Variants in SLC44A2 observed in about 807,000 individuals in gnomAD.
The protein encoded by SLC44A2 is solute carrier family 44 member 2 (CTL2 blood group).
SLC44A2 carries 57 observed loss-of-function variants against 90.8 expected under a neutral mutation model. The observed-to-expected ratio is 0.63, with a 90% CI of 0.51 to 0.78. The LOEUF (loss-of-function observed/expected upper bound fraction) is 0.78, where lower values mean the gene tolerates loss of function less well. Ranked by LOEUF, SLC44A2 falls within the 30% of genes least tolerant of loss-of-function variation. The pLI, the probability that SLC44A2 is intolerant of heterozygous loss-of-function variation, is 0.00. For missense variants in SLC44A2, 794 were observed against 919.7 expected, an observed-to-expected ratio of 0.86 and a Z score of 1.77; for synonymous variants, 355 against 360.7, an observed-to-expected ratio of 0.98 and a Z score of 0.18.
chr19:10,608,599 G>A (rs1170894363), intron 1 of SLC44A2, among the ~76,000 whole-genome samples: 1 of 151,490 alleles, frequency 6.6e-6, no homozygotes. Flanking sequence ...CATGTGCAAG[G>A]AGGGCCTATT....
intron 1 of SLC44A2, among the ~76,000 whole-genome samples, chr19:10,610,223 G>A (rs899034611): frequency 5.9e-5 from 9 of 151,288 alleles, no homozygotes; most frequent in Admixed American, 1.3e-4. Context: ...ATATATATAT[G>A]ACAGATGATA....
At chr19:10,620,153 G>A (rs924818643) in intron 1 of SLC44A2, among the ~76,000 whole-genome samples, 2 of 151,846 alleles carry the variant, frequency 1.3e-5, no homozygotes, top group Non-Finnish European at 2.9e-5. Context: ...TCCAGACTGG[G>A]CAACAGAGTG....
intron 9 of SLC44A2, 39 bp downstream of exon 9, chr19:10,631,990 C>T: frequency 3.1e-6 from 5 of 1,613,220 alleles, no homozygotes; most frequent in Non-Finnish European, 4.2e-6. Context: ...CTGGCTGCCC[C>T]CTCTAAGCCT....
upstream of SLC44A2, chr19:10,625,406 C>G (rs2066921688): frequency 3.5e-6 from 4 of 1,151,292 alleles, no homozygotes; most frequent in East Asian, 1.0e-4. Context: ...ATGCGGCCGG[C>G]CGGTGAGTGG....
At chr19:10,636,606 G>C (rs1481011827) in intron 15 of SLC44A2, 21 bp downstream of exon 15, 6 of 1,605,296 alleles carry the variant, frequency 3.7e-6, no homozygotes, top group Non-Finnish European at 5.1e-6. Context: ...GTTGCAGGCA[G>C]GATGGGGTGG....
At position 10,642,250 on chromosome 19, in the gene SLC44A2, T is replaced by C. The variant is rs1599262266; in HGVS notation, c.1930-117T>C. The C allele has an allele frequency of 1.2e-5, 10 of 803,290 alleles. No homozygotes were observed. The East Asian group carries it at 2.7e-4, about 21-fold the overall frequency. 49.8% of individuals were successfully genotyped at this position (803,290 alleles called of 1,614,324 possible). On this transcript the variant is annotated intron_variant, in intron 20 of 21. Coordinates refer to ENST00000335757, the MANE Select transcript of SLC44A2 (RefSeq NM_020428.4). ...GGGTGAGGGGTTGGGATGTCACTAATCCAAAGAGGGTTTCTCAGCAGGGGA... is the reference window on the plus strand; with the variant it reads ...GGGTGAGGGGTTGGGATGTCACTAACCCAAAGAGGGTTTCTCAGCAGGGGA...
chr19:10,626,911 G>A (rs2066940043), intron 2 of SLC44A2, among the ~76,000 whole-genome samples: 1 of 151,924 alleles, frequency 6.6e-6, no homozygotes, highest in African/African-American at 2.4e-5. Flanking sequence ...TCAGAAGGCT[G>A]AGGCAGGAGA....
In SLC44A2 at chr19:10,636,352, A is replaced by G; in HGVS notation, c.1263A>G (p.Gln421=). 2 of 1,613,016 alleles carry G rather than the reference A, an allele frequency of 1.2e-6. No homozygotes were observed. The highest frequency in any genetic ancestry group is 1.7e-6 in the Non-Finnish European group (2 of 1,179,674). ...ETFPSSNESR[Q]CPNARCQFAF... The stretch of plus-strand genomic sequence containing the variant: ...TCCCCTCCTCCAATGAGTCCCGCCA[A>G]TGCCCCAATGCCCGTTGCCAGTTCG... The change falls in exon 15 of 22, where the codon CAA becomes CAG. Residue 421 remains glutamine (Q), a synonymous_variant. Transcript: ENST00000335757.
intron 2 of SLC44A2, among the ~76,000 whole-genome samples, chr19:10,626,873 C>G (rs1304802212): frequency 6.6e-6 from 1 of 151,058 alleles, no homozygotes; most frequent in African/African-American, 2.4e-5. Flanking sequence ...CTCAGCCTCT[C>G]CAGTAGCTGT....
chr19:10,611,316 G>T (rs573960971), intron 1 of SLC44A2, among the ~76,000 whole-genome samples: 1 of 152,108 alleles, frequency 6.6e-6, no homozygotes, highest in Non-Finnish European at 1.5e-5. Flanking sequence ...GCCAGGCGTG[G>T]TGGCAGGTAC....
At chr19:10,615,979 T>C (rs1031218942) in intron 1 of SLC44A2, among the ~76,000 whole-genome samples, 1 of 151,878 alleles carries the variant, frequency 6.6e-6, no homozygotes, top group Non-Finnish European at 1.5e-5. Context: ...CTGGGCAACA[T>C]AGCGAAACCC....
intron 1 of SLC44A2, among the ~76,000 whole-genome samples, chr19:10,616,099 C>T (rs948074051): frequency 2.7e-5 from 4 of 150,414 alleles, no homozygotes; most frequent in African/African-American, 9.8e-5. Flanking sequence ...AAGATGGTGC[C>T]ACTGCTTTCC....
intron 1 of SLC44A2, among the ~76,000 whole-genome samples, chr19:10,619,203 G>T (rs2066879438): frequency 6.6e-6 from 1 of 151,442 alleles, no homozygotes; most frequent in Admixed American, 6.6e-5. Context: ...GCCGAGGCAG[G>T]TGCGTCGCTG....
Position 10,609,931 on chromosome 19 carries a change from G to A in SLC44A2, c.31+7370G>A, listed in dbSNP as rs149773630. 3.8e-3 allele frequency among the ~76,000 whole-genome samples: 584 copies of A among 152,044 alleles called. 4 individuals are homozygous for A. Among genetic ancestry groups the A allele is most frequent in the African/African-American group, 0.013 (523 of 41,480 alleles). ...AGTTATTCTCCTGCCTCAGCCTCCC[G>A]AATAGCTGGGATTATAGGCATGCAC... On this transcript the variant is annotated intron_variant, in intron 1 of 21. Coordinates refer to the SLC44A2 transcript ENST00000407327.
intron 1 of SLC44A2, among the ~76,000 whole-genome samples, chr19:10,619,251 A>T (rs1047306553): frequency 2.6e-5 from 4 of 151,382 alleles, no homozygotes; most frequent in Non-Finnish European, 5.9e-5. Flanking sequence ...CAACATGGCA[A>T]AGCCCAGTCC....
rs1332339359 is a variant in SLC44A2, at chr19:10,627,756, C to T, written c.121C>T (p.Leu41Phe). The change falls in exon 3 of 22, where the codon CTC (leucine) becomes TTC (phenylalanine). Residue 41 changes from leucine to phenylalanine, a missense_variant. Coordinates refer to ENST00000335757, the MANE Select transcript of SLC44A2 (RefSeq NM_020428.4). ...CTDIICCVFLLLAIVGYVAVG... is the reference protein window; with the variant it reads ...CTDIICCVFLFLAIVGYVAVG... The stretch of plus-strand genomic sequence containing the variant: ...GGATATCATATGCTGTGTGTTCCTG[C>T]TCCTGGCCATTGTGGGCTACGTGGC... 8 of 1,613,766 alleles carry T rather than the reference C, an allele frequency of 5.0e-6. No homozygotes were observed. Among genetic ancestry groups the T allele is most frequent in the Admixed American group, 3.3e-5 (2 of 59,960 alleles).
At chr19:10,618,542 C>T (rs1178880186) in intron 1 of SLC44A2, among the ~76,000 whole-genome samples, 13 of 117,516 alleles carry the variant, frequency 1.1e-4, no homozygotes, top group East Asian at 2.7e-4. Context: ...TGCAGTGGCG[C>T]CATCTCGGCT....
upstream of SLC44A2, among the ~76,000 whole-genome samples, chr19:10,624,413 C>T (rs2066914026): frequency 6.6e-6 from 1 of 152,204 alleles, no homozygotes; most frequent in African/African-American, 2.4e-5. Flanking sequence ...AAGCGATTCT[C>T]CTGCCTCAGC....
chr19:10,631,179 G>C (rs560831366), intron 5 of SLC44A2, 38 bp downstream of exon 5: 1 of 1,606,082 alleles, frequency 6.2e-7, no homozygotes, highest in South Asian at 1.1e-5. Flanking sequence ...TCCTCTCCCC[G>C]CTTCCCATCC....
Sources: allele counts gnomAD v4.1 joint callset (sites outside exome capture counted in the v4.1 genomes callset), GRCh38; gene constraint gnomAD v4.1.1; transcripts MANE v1.5; gene names NCBI Gene and HGNC (gene_info 2026-07-23, HGNC 2026-07-21).